ARL15: variants seen among roughly 807,000 people sequenced by gnomAD.
ARL15 encodes the protein ARF like GTPase 15, also known as ADP-ribosylation factor-like protein 15.
In ARL15, 19 loss-of-function variants were observed where a neutral mutation model predicts 25.2. That is an observed-to-expected ratio of 0.75 (90% CI 0.53 to 1.10). The LOEUF (loss-of-function observed/expected upper bound fraction) is 1.10, where lower values mean the gene tolerates loss of function less well. ARL15 is among the 50% of genes least tolerant of loss of function. The pLI is 0.00. For missense variants in ARL15, 220 were observed against 246.0 expected, an observed-to-expected ratio of 0.89 and a Z score of 0.71; for synonymous variants, 94 against 86.8, an observed-to-expected ratio of 1.08 and a Z score of -0.46.
At chr5:54,278,791 G>A (rs751453457) in intron 1 of ARL15, among the ~76,000 whole-genome samples, 4 of 152,144 alleles carry the variant, frequency 2.6e-5, no homozygotes, top group Non-Finnish European at 5.9e-5. Context: ...CTGGAGAAAG[G>A]TCTGTCTACT....
intron 4 of ARL15, among the ~76,000 whole-genome samples, chr5:53,928,852 C>T (rs777982842): frequency 6.6e-6 from 1 of 152,068 alleles, no homozygotes; most frequent in Non-Finnish European, 1.5e-5. Context: ...TAACCAATGC[C>T]GAGTCCACGC....
chr5:54,145,202 T>C lies in ARL15; in HGVS notation c.253+9378A>G, dbSNP rs553970102. On this transcript the variant is annotated intron_variant, in intron 3 of 4. Coordinates refer to ENST00000504924, the MANE Select transcript of ARL15 (RefSeq NM_019087.3). ...ATGTACGTTGCTTAAATTTAAGGGC[T>C]TCACACACTTGTACCAACAGTGATA... Among the ~76,000 whole-genome samples, 3 of 152,324 alleles carry C rather than the reference T, an allele frequency of 2.0e-5. No homozygotes were observed. The South Asian group carries it at 6.2e-4, about 32-fold the overall frequency.
At position 54,273,933 on chromosome 5, in the gene ARL15, T is replaced by C. The variant is rs140318493; in HGVS notation, c.48+36499A>G. Among the ~76,000 whole-genome samples the C allele has an allele frequency of 2.2e-3, 333 of 152,262 alleles. 1 individual carries two copies. The highest frequency in any genetic ancestry group is 7.7e-3 in the African/African-American group (322 of 41,562). Reference sequence around the variant, plus strand: ...AAATGACCAGGCAATTCTAAGATAGTGCAATAGATGCACTTTGGCTGATGA... The same window carrying C: ...AAATGACCAGGCAATTCTAAGATAGCGCAATAGATGCACTTTGGCTGATGA... On this transcript the variant is annotated intron_variant, in intron 1 of 4. Coordinates refer to ENST00000504924, the MANE Select transcript of ARL15 (RefSeq NM_019087.3).
chr5:53,995,555 C>T (rs1054142294), intron 4 of ARL15, among the ~76,000 whole-genome samples: 7 of 152,076 alleles, frequency 4.6e-5, no homozygotes, highest in Non-Finnish European at 8.8e-5. Context: ...AAAACAGTTA[C>T]ACTACTAAGG....
chr5:53,979,740 A>G (rs1748059154), intron 4 of ARL15, among the ~76,000 whole-genome samples: 1 of 151,960 alleles, frequency 6.6e-6, no homozygotes, highest in Non-Finnish European at 1.5e-5. Flanking sequence ...AACTGGGGGA[A>G]TTTTCCCCAG....
In ARL15 at chr5:54,297,441, G is replaced by A. The variant is rs552218403; in HGVS notation, c.48+12991C>T. 3.3e-5 allele frequency among the ~76,000 whole-genome samples: 5 copies of A among 152,356 alleles called. No homozygotes were observed. In the South Asian group the frequency reaches 1.0e-3, roughly 32 times the overall value. Reference sequence around the variant, plus strand: ...GAGCCTGGAGTTTGTTTTGTTGTGGGCAGCCTGCTTAGGGCTGTTTTGTTA... The same window carrying A: ...GAGCCTGGAGTTTGTTTTGTTGTGGACAGCCTGCTTAGGGCTGTTTTGTTA... On this transcript the variant is annotated intron_variant, in intron 1 of 4. Coordinates refer to ENST00000504924, the MANE Select transcript of ARL15 (RefSeq NM_019087.3).
At position 53,963,830 on chromosome 5, in the gene ARL15, C is replaced by G. The variant is rs192963081; in HGVS notation, c.463-77117G>C. ...TCACACACACACACACACACACACA[C>G]ACACACACACACACACACATACACA... On this transcript the variant is annotated intron_variant, in intron 4 of 4. Transcript: ENST00000504924. Among the ~76,000 whole-genome samples, 42 of 151,646 alleles carry G rather than the reference C, an allele frequency of 2.8e-4. No homozygotes were observed. The East Asian group carries it at 5.8e-3, about 21-fold the overall frequency.
chr5:54,166,219 GTCTC>G (rs1027573905), intron 2 of ARL15, among the ~76,000 whole-genome samples: 1 of 151,752 alleles, frequency 6.6e-6, no homozygotes, highest in African/African-American at 2.4e-5. Flanking sequence ...AAGAGATGGG[GTCTC>G]TCTCTCTGTC....
At chr5:54,132,287 GA>G (rs1753462512) in intron 3 of ARL15, among the ~76,000 whole-genome samples, 1 of 151,742 alleles carries the variant, frequency 6.6e-6, no homozygotes, top group Non-Finnish European at 1.5e-5. Flanking sequence ...CAAATTTAAT[GA>G]ATATGTTTAT....
Position 54,121,751 on chromosome 5 carries a change from T to C in ARL15, c.254-8341A>G, listed in dbSNP as rs147606514. Reference sequence around the variant, plus strand: ...GTTCAAAGCCTGGCTCTGCCACATATCATCTAAGTAACATGAAAACTCCGC... The same window carrying C: ...GTTCAAAGCCTGGCTCTGCCACATACCATCTAAGTAACATGAAAACTCCGC... On this transcript the variant is annotated intron_variant, in intron 3 of 4. Transcript: ENST00000504924. Among the ~76,000 whole-genome samples, 191 of 152,258 alleles carry C rather than the reference T, an allele frequency of 1.3e-3. 6 individuals carry two copies. The East Asian group carries it at 0.029, about 23-fold the overall frequency.
At chr5:54,236,353 C>T (rs1360519152) in intron 1 of ARL15, among the ~76,000 whole-genome samples, 7 of 151,826 alleles carry the variant, frequency 4.6e-5, no homozygotes, top group African/African-American at 1.7e-4. Context: ...AAGTGAATAA[C>T]TGGCTTTATT....
chr5:53,929,028 T>C (rs1232962436), intron 4 of ARL15, among the ~76,000 whole-genome samples: 1 of 152,182 alleles, frequency 6.6e-6, no homozygotes, highest in Non-Finnish European at 1.5e-5. Context: ...GTTCTTTTCT[T>C]CTAAAACAGA....
chr5:53,938,093 A>G (rs1746410897), intron 4 of ARL15, among the ~76,000 whole-genome samples: 1 of 152,174 alleles, frequency 6.6e-6, no homozygotes, highest in South Asian at 2.1e-4. Flanking sequence ...GTTAAAATCA[A>G]CACCCTCAAC....
chr5:54,056,695 G>C (rs1750880837), intron 4 of ARL15, among the ~76,000 whole-genome samples: 1 of 151,966 alleles, frequency 6.6e-6, no homozygotes, highest in Non-Finnish European at 1.5e-5. Context: ...CACCTCGTGG[G>C]GTTGGGGGGA....
intron 1 of ARL15, among the ~76,000 whole-genome samples, chr5:54,230,685 C>A (rs1756647353): frequency 6.6e-6 from 1 of 152,176 alleles, no homozygotes; most frequent in Non-Finnish European, 1.5e-5. Flanking sequence ...TCCCTGTAAT[C>A]CTGTCCTCTC....
chr5:53,939,219 T>C (rs917916207), intron 4 of ARL15, among the ~76,000 whole-genome samples: 1 of 152,254 alleles, frequency 6.6e-6, no homozygotes, highest in Non-Finnish European at 1.5e-5. Context: ...TACCTTCACC[T>C]TTCCTTTCAC....
At chr5:54,029,422 CA>C (rs1749903206) in intron 4 of ARL15, among the ~76,000 whole-genome samples, 1 of 137,876 alleles carries the variant, frequency 7.3e-6, no homozygotes, top group Non-Finnish European at 1.5e-5. Context: ...ATACAGCTCT[CA>C]AAGAGTTTAC....
At chr5:53,936,267 T>G (rs1051947448) in intron 4 of ARL15, among the ~76,000 whole-genome samples, 1 of 152,204 alleles carries the variant, frequency 6.6e-6, no homozygotes, top group Non-Finnish European at 1.5e-5. Context: ...TACTTTATGT[T>G]TTTTGTGCAT....
chr5:54,195,034 T>C (rs1042006209), intron 1 of ARL15, among the ~76,000 whole-genome samples: 13 of 152,222 alleles, frequency 8.5e-5, no homozygotes, highest in African/African-American at 3.1e-4. Context: ...GTTTATTTAC[T>C]CAGAAAGTAA....
Sources: allele counts gnomAD v4.1 joint callset (sites outside exome capture counted in the v4.1 genomes callset), GRCh38; gene constraint gnomAD v4.1.1; transcripts MANE v1.5; gene names NCBI Gene and HGNC (gene_info 2026-07-23, HGNC 2026-07-21).